GATM: variants seen among roughly 807,000 people sequenced by gnomAD.
GATM encodes glycine amidinotransferase, also known as glycine amidinotransferase, mitochondrial.
A neutral mutation model predicts 54.2 loss-of-function variants in GATM; 23 were observed. The ratio of observed to expected loss-of-function variants is 0.42; its 90% CI spans 0.31 to 0.60. GATM has a LOEUF of 0.60. GATM is among the 20% of genes least tolerant of loss of function. The pLI, the probability that GATM is intolerant of heterozygous loss-of-function variation, is 0.14. For missense variants in GATM, 401 were observed against 544.9 expected (o/e 0.74, Z 2.63); for synonymous variants, 168 against 183.1 (o/e 0.92, Z 0.67).
chr15:45,380,849 A>G (rs1324287059), upstream of GATM, among the ~76,000 whole-genome samples: 1 of 152,018 alleles, frequency 6.6e-6, no homozygotes, highest in East Asian at 1.9e-4. Flanking sequence ...AAGCAAATCA[A>G]AGCACTCACT....
At position 45,362,141 on chromosome 15, in the gene GATM, G is replaced by A. The variant is rs761575775; in HGVS notation, c.1240C>T (p.Arg414Cys). ...AAGTAGGACTGTAAGGTGCCTCGGCGCCGGACATCGCAGGTCCAGCAATGG... is the reference window on the plus strand; with the variant it reads ...AAGTAGGACTGTAAGGTGCCTCGGCACCGGACATCGCAGGTCCAGCAATGG... ...GFHCWTCDVR[R>C]RGTLQSYLD The change falls in exon 9 of 9, where the codon CGC (arginine) becomes TGC (cysteine). Residue 414 changes from arginine to cysteine, a missense_variant. Arg to Cys is a radical substitution (Grantham distance 180, BLOSUM62 -3). Coordinates refer to ENST00000396659, the MANE Select transcript of GATM (RefSeq NM_001482.3). The A allele has an allele frequency of 2.5e-6, 4 of 1,613,684 alleles. No homozygotes were observed. The highest frequency in any genetic ancestry group is 2.5e-6 in the Non-Finnish European group (3 of 1,179,652).
chr15:45,382,804 GTAATAATAA>G (rs145436247), upstream of GATM, among the ~76,000 whole-genome samples: 7 of 151,794 alleles, frequency 4.6e-5, no homozygotes, highest in Admixed American at 4.6e-4. Context: ...AAAAATATTA[GTAATAATAA>G]TAATAATAAA....
chr15:45,365,612 C>T (rs577009517), intron 6 of GATM, among the ~76,000 whole-genome samples: 2 of 152,280 alleles, frequency 1.3e-5, no homozygotes, highest in Admixed American at 6.5e-5. Flanking sequence ...CTTCACTTTT[C>T]CCTACAGAGC....
intron 1 of GATM, chr15:45,377,116 A>C: frequency 2.1e-6 from 1 of 477,272 alleles, no homozygotes; most frequent in Non-Finnish European, 4.0e-6. Context: ...CTCAGAATGC[A>C]ATTCCTGCAC....
intron 2 of GATM, among the ~76,000 whole-genome samples, chr15:45,375,062 G>C (rs1168067643): frequency 6.6e-6 from 1 of 152,006 alleles, no homozygotes; most frequent in Non-Finnish European, 1.5e-5. Context: ...AAAACCACTA[G>C]GAGTTTTTGT....
At chr15:45,364,534 CAAAAA>C in intron 7 of GATM, 1 of 325,526 alleles carries the variant, frequency 3.1e-6, no homozygotes, top group Non-Finnish European at 5.7e-6. Context: ...GACACTGTCT[CAAAAA>C]AAAAAAAAAA....
chr15:45,394,655 G>A (rs1889907708), intron 3 of GATM, among the ~76,000 whole-genome samples: 1 of 152,102 alleles, frequency 6.6e-6, no homozygotes, highest in Non-Finnish European at 1.5e-5. Context: ...ATAAAGAAGT[G>A]GGACAAAGAA....
At chr15:45,387,292 C>T (rs536575727) in intron 3 of GATM, among the ~76,000 whole-genome samples, 3 of 152,364 alleles carry the variant, frequency 2.0e-5, no homozygotes, top group Admixed American at 6.5e-5. Context: ...TCTGTAGCAA[C>T]CAAATTTCTG....
At chr15:45,395,404 G>T (rs1395646426) in intron 3 of GATM, among the ~76,000 whole-genome samples, 6 of 152,054 alleles carry the variant, frequency 3.9e-5, no homozygotes, top group Non-Finnish European at 8.8e-5. Flanking sequence ...AAACTAAGTG[G>T]ATTTCTAGTA....
intron 3 of GATM, among the ~76,000 whole-genome samples, chr15:45,384,713 C>G (rs1345730202): frequency 6.6e-6 from 1 of 152,056 alleles, no homozygotes; most frequent in Non-Finnish European, 1.5e-5. Flanking sequence ...TTCCCCACCC[C>G]TCCTTTGTTT....
intron 3 of GATM, among the ~76,000 whole-genome samples, chr15:45,393,924 C>A (rs1889898851): frequency 6.6e-6 from 1 of 152,186 alleles, no homozygotes; most frequent in Admixed American, 6.5e-5. Context: ...TTTTAAGAAT[C>A]AGGCTCAGAA....
At chr15:45,381,205 T>C (rs1293807255), upstream of GATM, among the ~76,000 whole-genome samples, 2 of 152,178 alleles carry the variant, frequency 1.3e-5, no homozygotes, top group Non-Finnish European at 2.9e-5. Context: ...AATACTTTGA[T>C]TGAACCAATA....
intron 2 of GATM, among the ~76,000 whole-genome samples, 157 bp downstream of exon 2, chr15:45,376,444 G>A (rs1889636958): frequency 1.3e-5 from 2 of 152,172 alleles, no homozygotes; most frequent in Non-Finnish European, 2.9e-5. Context: ...ATTATCATTG[G>A]TGTAAATAGT....
intron 2 of GATM, among the ~76,000 whole-genome samples, chr15:45,373,928 C>T (rs890288663): frequency 6.6e-6 from 1 of 152,134 alleles, no homozygotes; most frequent in Admixed American, 6.5e-5. Context: ...CGAATGAAAT[C>T]AATACTGCTA....
chr15:45,369,533 A>C lies in GATM; in HGVS notation c.289-12T>G, dbSNP rs559331686. ...TCATATGTGTTGGCCTGGAAGTAGA[A>C]GCAAATAAACACAATACTTACAGGA... On this transcript the variant is annotated splice_polypyrimidine_tract_variant and intron_variant, in intron 2 of 8. Transcript: ENST00000396659. The C allele has an allele frequency of 5.6e-6, 9 of 1,611,958 alleles. No individual in the cohort carries two copies. The South Asian group carries it at 9.9e-5, about 18-fold the overall frequency.
intron 4 of GATM, among the ~76,000 whole-genome samples, chr15:45,367,445 G>C (rs576988498): frequency 6.6e-6 from 1 of 152,034 alleles, no homozygotes; most frequent in Non-Finnish European, 1.5e-5. Context: ...TTTTAGAAAA[G>C]GAATTTGGTC....
At chr15:45,369,552 T>A (rs763011368) in intron 2 of GATM, 31 bp from the exon 3 acceptor site, 1 of 1,592,290 alleles carries the variant, frequency 6.3e-7, no homozygotes, top group Non-Finnish European at 8.6e-7. Flanking sequence ...ACACAATACT[T>A]ACAGGAGAAA....
At position 45,396,730 on chromosome 15, in the gene GATM, G is replaced by A. The variant is rs550515881; in HGVS notation, c.-319+192C>T. Among the ~76,000 whole-genome samples the A allele has an allele frequency of 6.6e-5, 10 of 151,890 alleles. No individual in the cohort carries two copies. In the East Asian group the frequency reaches 9.8e-4, roughly 15 times the overall value. On this transcript the variant is annotated intron_variant, in intron 3 of 4. Transcript: ENST00000561148. ...CTAAAAATACAAAAATTAGCCGGGC[G>A]TGGCAGCATTGTGCCTGTAATCCCA...
intron 3 of GATM, among the ~76,000 whole-genome samples, chr15:45,385,859 A>G (rs1000769965): frequency 6.6e-6 from 1 of 152,160 alleles, no homozygotes; most frequent in African/African-American, 2.4e-5. Context: ...ATACCCCACC[A>G]TATATCTCCT....
Sources: gnomAD v4.1 joint callset for allele counts (sites outside exome capture counted in the v4.1 genomes callset) on GRCh38, gnomAD v4.1.1 for gene constraint, MANE v1.5 for transcripts, NCBI Gene and HGNC (gene_info 2026-07-23, HGNC 2026-07-21) for gene names.